Variants in TRDN observed in about 807,000 individuals in gnomAD.
TRDN encodes triadin.
In TRDN, 161 loss-of-function variants were observed where a neutral mutation model predicts 149.7. That is an observed-to-expected ratio of 1.08 (90% CI 0.95 to 1.23). The LOEUF is 1.23. Ranked by LOEUF, TRDN falls within the 50% of genes most tolerant of loss-of-function variation. The probability of loss-of-function intolerance (pLI) is 0.00; values close to 1 mark genes in which losing one functional copy is unlikely to be tolerated. For missense variants in TRDN, 896 were observed against 823.5 expected, an observed-to-expected ratio of 1.09 and a Z score of -1.08; for synonymous variants, 294 against 250.5, an observed-to-expected ratio of 1.17 and a Z score of -1.64.
chr6:123,528,846 T>G (rs1020265440), intron 5 of TRDN: 106 of 1,018,936 alleles, frequency 1.0e-4, no homozygotes, highest in African/African-American at 3.4e-5. Flanking sequence ...TCCAGCTCAG[T>G]GTGGAGCAAC....
At chr6:123,565,388 G>T (rs969584855) in intron 2 of TRDN, among the ~76,000 whole-genome samples, 1 of 152,100 alleles carries the variant, frequency 6.6e-6, no homozygotes, top group Admixed American at 6.6e-5. Context: ...ATAACAGAGC[G>T]ATCATACACC....
At chr6:123,259,392 G>C (rs181279933) in intron 35 of TRDN, among the ~76,000 whole-genome samples, 62 of 152,154 alleles carry the variant, frequency 4.1e-4, no homozygotes, top group African/African-American at 1.2e-3. Flanking sequence ...GTAACAGGTA[G>C]AGTCTGCTTT....
intron 14 of TRDN, 142 bp from the exon 15 acceptor site, chr6:123,382,289 T>G (rs1582945972): frequency 1.9e-6 from 1 of 514,834 alleles, no homozygotes; most frequent in Admixed American, 4.3e-5. Context: ...AATATGAGAC[T>G]TAGAAACTGT....
intron 9 of TRDN, among the ~76,000 whole-genome samples, chr6:123,469,388 C>A (rs1777020949): frequency 6.6e-6 from 1 of 152,138 alleles, no homozygotes. Context: ...GGGGTGCTAA[C>A]CACTCCTCCC....
chr6:123,571,278 T>G, intron 1 of TRDN, 146 bp from the exon 2 acceptor site: 2 of 758,788 alleles, frequency 2.6e-6, no homozygotes, highest in Non-Finnish European at 4.2e-6. Flanking sequence ...AAAGCCTCCC[T>G]GCCCACTAGC....
At chr6:123,258,394 ATG>A (rs1776638180) in intron 35 of TRDN, among the ~76,000 whole-genome samples, 1 of 152,040 alleles carries the variant, frequency 6.6e-6, no homozygotes, top group Non-Finnish European at 1.5e-5. Context: ...TGAAATAATC[ATG>A]TGTTTTTTGT....
chr6:123,343,140 T>G (rs542845198), intron 21 of TRDN, among the ~76,000 whole-genome samples: 1 of 152,154 alleles, frequency 6.6e-6, no homozygotes, highest in South Asian at 2.1e-4. Flanking sequence ...GAAAATTACG[T>G]ATATTTAAAT....
intron 31 of TRDN, among the ~76,000 whole-genome samples, chr6:123,268,952 T>C (rs1194468353): frequency 6.6e-6 from 1 of 151,974 alleles, no homozygotes; most frequent in Non-Finnish European, 1.5e-5. Context: ...AGTCATTCAT[T>C]TGTGCTATAT....
Position 123,260,658 on chromosome 6 carries a change from A to AAG in TRDN, c.1805-22_1805-21dup. ...TTCCTTCTTTAGAAAAAAAAAAAAAAAGAATGTAGAAAGAAAGGAAAAAAA... is the reference window on the plus strand; with the variant it reads ...TTCCTTCTTTAGAAAAAAAAAAAAAAAGAGAATGTAGAAAGAAAGGAAAAAAA... On this transcript the variant is annotated intron_variant, in intron 33 of 40. Transcript: ENST00000334268. 4 of 1,451,328 alleles carry AAG rather than the reference A, an allele frequency of 2.8e-6. No individual in the cohort carries two copies. Among genetic ancestry groups the AAG allele is most frequent in the Non-Finnish European group, 3.7e-6 (4 of 1,094,402 alleles). 89.9% of individuals were successfully genotyped at this position (1,451,328 alleles called of 1,614,324 possible). A position where few individuals can be genotyped will look rare whatever the true frequency, so the allele number is the denominator to read the frequency against.
chr6:123,306,603 G>A (rs1375114807), intron 24 of TRDN, among the ~76,000 whole-genome samples: 1 of 151,922 alleles, frequency 6.6e-6, no homozygotes, highest in South Asian at 2.1e-4. Context: ...TATAGCTTCC[G>A]AGATAACTTG....
At chr6:123,423,937 C>T (rs1345109237) in intron 12 of TRDN, among the ~76,000 whole-genome samples, 2 of 152,114 alleles carry the variant, frequency 1.3e-5, no homozygotes, top group African/African-American at 4.8e-5. Context: ...CATGGGCCCA[C>T]ACTCATGGGG....
intron 12 of TRDN, among the ~76,000 whole-genome samples, chr6:123,427,719 TATTACACATCCAC>T (rs1774182225): frequency 6.6e-6 from 1 of 152,178 alleles, no homozygotes; most frequent in African/African-American, 2.4e-5. Context: ...CTGATTTCCA[TATTACACATCCAC>T]ATTTCTGAGC....
chr6:123,236,367 C>A (rs896613512), intron 38 of TRDN, among the ~76,000 whole-genome samples: 1 of 152,114 alleles, frequency 6.6e-6, no homozygotes, highest in Non-Finnish European at 1.5e-5. Flanking sequence ...TTTTAACTAA[C>A]ATTTTATTTC....
intron 38 of TRDN, among the ~76,000 whole-genome samples, chr6:123,242,140 T>G (rs1776012640): frequency 6.6e-6 from 1 of 152,202 alleles, no homozygotes; most frequent in African/African-American, 2.4e-5. Context: ...TTGAAAAACC[T>G]TCCCGCAGCA....
chr6:123,593,739 C>G (rs1783899847), intron 1 of TRDN, among the ~76,000 whole-genome samples: 1 of 152,160 alleles, frequency 6.6e-6, no homozygotes, highest in South Asian at 2.1e-4. Flanking sequence ...TGTAAAGACA[C>G]TATGACCAAT....
rs151016494 is a variant in TRDN at position 123,325,248 on chromosome 6, C to T, written c.1471+6631G>A. Among the ~76,000 whole-genome samples the T allele has an allele frequency of 7.2e-5, 11 of 152,144 alleles. No homozygotes were observed. In the South Asian group the frequency reaches 8.3e-4, roughly 11 times the overall value. ...CTTGGCTAATCATTTAATCTTTGGG[C>T]ATCAATTTCTTCACTGTTAACATGA... On this transcript the variant is annotated intron_variant, in intron 23 of 40. Transcript: ENST00000334268.
intron 38 of TRDN, among the ~76,000 whole-genome samples, chr6:123,225,783 C>T (rs560726970): frequency 1.3e-5 from 2 of 150,840 alleles, no homozygotes; most frequent in East Asian, 1.9e-4. Context: ...GTGTAAATCA[C>T]TTGGTCTTTT....
At chr6:123,386,703 T>C (rs985034410) in intron 14 of TRDN, among the ~76,000 whole-genome samples, 1 of 152,186 alleles carries the variant, frequency 6.6e-6, no homozygotes, top group African/African-American at 2.4e-5. Context: ...GGAATGGAGC[T>C]GCAGACCACA....
intron 32 of TRDN, 108 bp from the exon 33 acceptor site, chr6:123,265,446 G>A (rs1776908723): frequency 3.1e-6 from 2 of 654,306 alleles, no homozygotes; most frequent in South Asian, 2.4e-5. Flanking sequence ...GTAAAAATAA[G>A]ACTAAACTTA....
Sources: gnomAD v4.1 joint callset for allele counts (sites outside exome capture counted in the v4.1 genomes callset) on GRCh38, gnomAD v4.1.1 for gene constraint, MANE v1.5 for transcripts, NCBI Gene and HGNC (gene_info 2026-07-23, HGNC 2026-07-21) for gene names.